SPAG9: variants seen among roughly 807,000 people sequenced by gnomAD.
The protein encoded by SPAG9 is sperm associated antigen 9.
SPAG9 carries 35 observed loss-of-function variants against 166.5 expected under a neutral mutation model. The observed-to-expected ratio is 0.21, with a 90% CI of 0.16 to 0.28. The LOEUF (loss-of-function observed/expected upper bound fraction) is 0.28. SPAG9 is among the 10% of genes least tolerant of loss of function. SPAG9 has a pLI of 1.00. For missense variants in SPAG9, 1,235 were observed against 1,603.3 expected, an observed-to-expected ratio of 0.77 and a Z score of 3.92; for synonymous variants, 534 against 565.5, an observed-to-expected ratio of 0.94 and a Z score of 0.79.
At chr17:51,095,296 TAAAAAA>T (rs71149343) in intron 1 of SPAG9, among the ~76,000 whole-genome samples, 4 of 83,474 alleles carry the variant, frequency 4.8e-5, no homozygotes, top group Non-Finnish European at 8.7e-5. Context: ...ACTCCATCTT[TAAAAAA>T]AAAAAAAAAA....
chr17:50,982,229 C>G (rs897024471), intron 25 of SPAG9, among the ~76,000 whole-genome samples: 1 of 152,028 alleles, frequency 6.6e-6, no homozygotes, highest in Admixed American at 6.6e-5. Flanking sequence ...TAAAAAGAAC[C>G]ATGTATTCAA....
chr17:51,041,335 A>C (rs548029898), intron 5 of SPAG9, among the ~76,000 whole-genome samples, 166 bp downstream of exon 5: 55 of 152,336 alleles, frequency 3.6e-4, no homozygotes, highest in African/African-American at 1.3e-3. Flanking sequence ...ATAGTAAAAA[A>C]CACACTCTTT....
chr17:51,005,093 C>A, intron 12 of SPAG9, 119 bp downstream of exon 12: 2 of 821,320 alleles, frequency 2.4e-6, no homozygotes, highest in Non-Finnish European at 3.9e-6. Context: ...TGACCATAAA[C>A]ATGTCTCCTG....
intron 11 of SPAG9, 112 bp from the exon 12 acceptor site, chr17:51,005,375 C>T: frequency 9.9e-7 from 1 of 1,013,202 alleles, no homozygotes; most frequent in South Asian, 1.5e-5. Context: ...TTTTTCTTTT[C>T]CCAAACAGGG....
chr17:50,989,759 T>C lies in SPAG9; in HGVS notation c.2731A>G (p.Thr911Ala). The C allele has an allele frequency of 6.2e-7, 1 of 1,614,192 alleles. No individual in the cohort carries two copies. Among genetic ancestry groups the C allele is most frequent in the Non-Finnish European group, 8.5e-7 (1 of 1,180,020 alleles). The change falls in exon 21 of 30, where the codon ACT becomes GCT. Residue 911 changes from threonine to alanine, a missense_variant. By Grantham distance (58) the Thr-to-Ala change is moderately conservative (BLOSUM62 0). Coordinates refer to ENST00000262013, the MANE Select transcript of SPAG9 (RefSeq NM_001130528.3). ...AAGACATGCTCTGTGTAGACGCCAG[T>C]TTGGGAGATGTCCACTGTGTCTTCA... ...SAEDTVDISQ[T>A]GVYTEHVFTD...
chr17:51,082,804 G>GGTTTTT (rs113013236), intron 1 of SPAG9, among the ~76,000 whole-genome samples: 2 of 152,078 alleles, frequency 1.3e-5, no homozygotes, highest in African/African-American at 2.4e-5. Flanking sequence ...AGAGGACATG[G>GGTTTTT]GTTTTTGTTT....
intron 8 of SPAG9, among the ~76,000 whole-genome samples, chr17:51,019,057 C>G (rs1237555589): frequency 6.6e-6 from 1 of 152,098 alleles, no homozygotes; most frequent in East Asian, 1.9e-4. Flanking sequence ...GGATTGGGGT[C>G]CTTATAGAAT....
chr17:51,074,191 A>G (rs2047903182), intron 2 of SPAG9, among the ~76,000 whole-genome samples: 1 of 150,650 alleles, frequency 6.6e-6, no homozygotes, highest in Non-Finnish European at 1.5e-5. Flanking sequence ...AGCCGAGATC[A>G]CACCACTGCA....
chr17:51,079,919 C>G (rs532032697), intron 1 of SPAG9, among the ~76,000 whole-genome samples: 12 of 152,280 alleles, frequency 7.9e-5, no homozygotes, highest in Admixed American at 3.9e-4. Context: ...GTTTCCACTT[C>G]ATGTTATAGG....
At chr17:51,117,941 C>A (rs1313288643) in intron 1 of SPAG9, among the ~76,000 whole-genome samples, 1 of 151,564 alleles carries the variant, frequency 6.6e-6, no homozygotes, top group Non-Finnish European at 1.5e-5. Flanking sequence ...CAAGACCAGC[C>A]TGGGCAACAA....
At chr17:51,024,113 T>C (rs920261253) in intron 6 of SPAG9, among the ~76,000 whole-genome samples, 7 of 151,984 alleles carry the variant, frequency 4.6e-5, no homozygotes, top group Admixed American at 1.3e-4. Context: ...CTGGCCAACA[T>C]GGCGAAACCC....
intron 8 of SPAG9, among the ~76,000 whole-genome samples, chr17:51,015,497 C>T (rs1419796752): frequency 6.6e-6 from 1 of 151,976 alleles, no homozygotes; most frequent in East Asian, 1.9e-4. Flanking sequence ...ATGAATAAAA[C>T]AGCCACAGAG....
intron 1 of SPAG9, among the ~76,000 whole-genome samples, chr17:51,098,096 T>C (rs764559743): frequency 3.9e-5 from 6 of 152,100 alleles, no homozygotes; most frequent in Non-Finnish European, 8.8e-5. Flanking sequence ...AGCACTGGGA[T>C]TATAGGCATG....
rs200872428 is a variant in SPAG9 at position 51,006,057 on chromosome 17, G to A, written c.1424+28C>T. On this transcript the variant is annotated intron_variant, in intron 11 of 29. Transcript: ENST00000262013. ...TTGTGGCATAACTGGCAAAGAGTTTGGTTTAGAACAACACAGTTAAAACTT... is the reference window on the plus strand; with the variant it reads ...TTGTGGCATAACTGGCAAAGAGTTTAGTTTAGAACAACACAGTTAAAACTT... 632 of 1,611,442 alleles carry A rather than the reference G, an allele frequency of 3.9e-4. 4 individuals are homozygous for A. Among genetic ancestry groups the A allele is most frequent in the South Asian group, 8.3e-4 (75 of 90,908 alleles).
chr17:51,039,489 G>A (rs2046747028), intron 5 of SPAG9, among the ~76,000 whole-genome samples: 1 of 152,094 alleles, frequency 6.6e-6, no homozygotes, highest in African/African-American at 2.4e-5. Flanking sequence ...CCCATTCCTG[G>A]AAATCCTTAT....
In SPAG9 at chr17:51,053,881, AT is replaced by A. The variant is rs2047274365; in HGVS notation, c.495+2530del. 1.3e-4 allele frequency among the ~76,000 whole-genome samples: 14 copies of A among 109,438 alleles called. No individual in the cohort carries two copies. In the South Asian group the frequency reaches 3.4e-3, roughly 27 times the overall value. 71.8% of individuals were successfully genotyped at this position (109,438 alleles called of 152,430 possible). A position where few individuals can be genotyped will look rare whatever the true frequency, so the allele number is the denominator to read the frequency against. ...TATATATATATATATATATATATATATATATATATATATATATAAAACATAT... is the reference window on the plus strand; with the variant it reads ...TATATATATATATATATATATATATAATATATATATATATATAAAACATAT... On this transcript the variant is annotated intron_variant, in intron 3 of 29. Transcript: ENST00000262013.
intron 2 of SPAG9, 30 bp downstream of exon 2, chr17:51,079,554 T>C (rs1245716446): frequency 1.2e-6 from 2 of 1,607,906 alleles, no homozygotes; most frequent in Admixed American, 3.4e-5. Context: ...CAATCTTTAG[T>C]GTACTTATGA....
At chr17:51,109,310 C>T (rs1261949543) in intron 1 of SPAG9, among the ~76,000 whole-genome samples, 1 of 151,996 alleles carries the variant, frequency 6.6e-6, no homozygotes, top group African/African-American at 2.4e-5. Context: ...GATCTCAGCT[C>T]ACCACAACCT....
At chr17:50,993,195 A>G (rs1360681928) in intron 19 of SPAG9, among the ~76,000 whole-genome samples, 1 of 151,598 alleles carries the variant, frequency 6.6e-6, no homozygotes, top group Admixed American at 6.6e-5. Flanking sequence ...AGGTGCCTGT[A>G]ATTCCAGCTA....
Sources: gnomAD v4.1 joint callset for allele counts (sites outside exome capture counted in the v4.1 genomes callset) on GRCh38, gnomAD v4.1.1 for gene constraint, MANE v1.5 for transcripts, NCBI Gene and HGNC (gene_info 2026-07-23, HGNC 2026-07-21) for gene names.